ENO4: variants seen among roughly 807,000 people sequenced by gnomAD.
The protein encoded by ENO4 is enolase 4.
In ENO4, 53 loss-of-function variants were observed where a neutral mutation model predicts 63.2. That is an observed-to-expected ratio of 0.84 (90% confidence interval 0.67 to 1.05). ENO4 has a LOEUF of 1.05. ENO4 is among the 50% of genes least tolerant of loss of function. The pLI is 0.00. For synonymous variants in ENO4, 266 were observed against 283.8 expected (o/e 0.94, Z 0.63); for missense variants, 719 against 772.0 (o/e 0.93, Z 0.81).
downstream of ENO4, among the ~76,000 whole-genome samples, chr10:116,887,029 T>G (rs1022475690): frequency 1.3e-5 from 2 of 151,948 alleles, no homozygotes; most frequent in African/African-American, 4.8e-5. Context: ...AGGGGAGTAA[T>G]CACCCCTCAT....
intron 1 of ENO4, among the ~76,000 whole-genome samples, chr10:116,851,669 GT>G (rs1352901755): frequency 6.6e-6 from 1 of 152,106 alleles, no homozygotes; most frequent in Non-Finnish European, 1.5e-5. Flanking sequence ...AGAACCTCCT[GT>G]GGCTTTCCCG....
At chr10:116,898,935 CT>C (rs1847620508) in intron 10 of ENO4, among the ~76,000 whole-genome samples, 1 of 152,164 alleles carries the variant, frequency 6.6e-6, no homozygotes, top group East Asian at 1.9e-4. Flanking sequence ...TATATGGAAT[CT>C]ATACATATGT....
At position 116,860,954 on chromosome 10, in the gene ENO4, G is replaced by A. The variant is rs1846392918; in HGVS notation, c.795G>A (p.Lys265=). 3 of 1,540,252 alleles carry A rather than the reference G, an allele frequency of 1.9e-6. No homozygotes were observed. The Admixed American group carries it at 5.9e-5, about 30-fold the overall frequency. Residue 265 remains lysine (K), a synonymous_variant, in exon 5 of 14, where the codon AAG becomes AAA. Transcript: ENST00000341276. ...TGTACTTAAATATCGCTCTACTGAA[G>A]CACAATCAGGTTAGTATCTATGAAG... is the stretch of plus-strand genomic sequence containing the variant. ...KPLYLNIALL[K]HNQEQPTTLS...
intron 11 of ENO4, among the ~76,000 whole-genome samples, chr10:116,877,650 G>A (rs553177096): frequency 1.3e-5 from 2 of 152,262 alleles, no homozygotes; most frequent in African/African-American, 4.8e-5. Context: ...TCTGAGTCAT[G>A]AAGCTGGGAT....
rs1845994549 is a variant in ENO4, at chr10:116,849,633, G to A, written c.67G>A (p.Ala23Thr). 1 of 1,550,186 alleles carries A rather than the reference G, an allele frequency of 6.5e-7. No homozygotes were observed. Among genetic ancestry groups the A allele is most frequent in the African/African-American group, 1.4e-5 (1 of 73,054 alleles). Residue 23 changes from alanine (A) to threonine (T), a missense_variant, in exon 1 of 14, where the codon GCG becomes ACG. Coordinates refer to ENST00000341276, the MANE Select transcript of ENO4 (RefSeq NM_001242699.2). Reference sequence around the variant, plus strand: ...GGAGCTGCAGAAGCTGAAGCAGCAGGCGATGGAGTACTACCGGGAGAACGA... The same window carrying A: ...GGAGCTGCAGAAGCTGAAGCAGCAGACGATGGAGTACTACCGGGAGAACGA... ...TRELQKLKQQ[A>T]MEYYRENDVP...
intron 10 of ENO4, among the ~76,000 whole-genome samples, chr10:116,899,952 T>C (rs1847672945): frequency 6.6e-6 from 1 of 152,188 alleles, no homozygotes; most frequent in South Asian, 2.1e-4. Flanking sequence ...AAAGCTTACA[T>C]GTAACTACAT....
downstream of ENO4, chr10:116,886,059 A>G (rs1589771698): frequency 2.5e-6 from 1 of 403,544 alleles, no homozygotes; most frequent in East Asian, 4.4e-5. Context: ...TCAACATCTG[A>G]ATTTTTTTGT....
chr10:116,868,524 C>G, intron 7 of ENO4, 126 bp from the exon 8 acceptor site: 1 of 763,606 alleles, frequency 1.3e-6, no homozygotes, highest in Non-Finnish European at 2.3e-6. Context: ...CGTGTGTGTG[C>G]GTGTATGTGT....
intron 9 of ENO4, chr10:116,873,857 C>A: frequency 3.0e-6 from 3 of 984,778 alleles, no homozygotes; most frequent in Non-Finnish European, 3.6e-6. Context: ...GTGGGAAGAA[C>A]CCTAGAGGGC....
Position 116,855,760 on chromosome 10 carries a change from C to T in ENO4, c.294+9C>T. ...TTCAAAACTTTCCCAAGGTATGAGGCAGTTTAAGTGTGTTCTTTAATGTCC... is the reference window on the plus strand; with the variant it reads ...TTCAAAACTTTCCCAAGGTATGAGGTAGTTTAAGTGTGTTCTTTAATGTCC... On this transcript the variant is annotated intron_variant, in intron 2 of 13. Coordinates refer to ENST00000341276, the MANE Select transcript of ENO4 (RefSeq NM_001242699.2). 6.5e-7 allele frequency: 1 copy of T among 1,531,646 alleles called. No individual in the cohort carries two copies. The allele number at this position is 1,531,646 out of a possible 1,614,324, so 94.9% of individuals were successfully genotyped here.
intron 11 of ENO4, among the ~76,000 whole-genome samples, chr10:116,878,217 G>A (rs754608904): frequency 1.3e-5 from 2 of 152,160 alleles, no homozygotes; most frequent in African/African-American, 4.8e-5. Flanking sequence ...CAAATACCAC[G>A]AGTGGGTCTC....
In ENO4 at chr10:116,879,947, C is replaced by G; in HGVS notation, c.1684C>G (p.Leu562Val). ...ACGAGTGACTAAATACAACCGCCTT[C>G]TCACTATAGAGGAAGAACTTGTCCA... is the stretch of plus-strand genomic sequence containing the variant. The part of the protein sequence containing the change: ...GERVTKYNRL[L>V]TIEEELVQNG... Residue 562 changes from leucine to valine, a missense_variant, in exon 13 of 14, where the codon CTC becomes GTC. Physicochemically the swap from Leu to Val is conservative, Grantham distance 32 (BLOSUM62 1). This residue lies in a region of ENO4 where 168 missense variants were observed against 163.3 expected (regional missense o/e 1.03). Coordinates refer to ENST00000341276, the MANE Select transcript of ENO4 (RefSeq NM_001242699.2). 6.4e-7 allele frequency: 1 copy of G among 1,550,904 alleles called. No homozygotes were observed. The highest frequency in any genetic ancestry group is 1.2e-5 in the South Asian group (1 of 84,008).
chr10:116,871,767 C>G (rs1199326673), intron 9 of ENO4, among the ~76,000 whole-genome samples: 1 of 152,038 alleles, frequency 6.6e-6, no homozygotes, highest in Non-Finnish European at 1.5e-5. Flanking sequence ...TGTTTTTGTC[C>G]AACTAAACAC....
intron 10 of ENO4, chr10:116,901,299 T>C (rs1847725548): frequency 3.0e-6 from 3 of 985,256 alleles, no homozygotes; most frequent in Non-Finnish European, 2.4e-6. Flanking sequence ...ACATAGTATG[T>C]TTTCATTTTC....
At chr10:116,906,568 T>C in intron 10 of ENO4, 3 of 1,510,002 alleles carry the variant, frequency 2.0e-6, no homozygotes, top group Middle Eastern at 1.8e-4. Context: ...AAAAAGAGAC[T>C]TAGAAGAAGA....
At chr10:116,902,296 C>A (rs913502207) in intron 10 of ENO4, among the ~76,000 whole-genome samples, 1 of 152,272 alleles carries the variant, frequency 6.6e-6, no homozygotes, top group East Asian at 1.9e-4. Flanking sequence ...CAGCCCTACT[C>A]GAACCATTTC....
chr10:116,856,509 G>A lies in ENO4; in HGVS notation c.312G>A (p.Val104=). 2.0e-6 allele frequency: 3 copies of A among 1,536,000 alleles called. No homozygotes were observed. The highest frequency in any genetic ancestry group is 8.7e-7 in the Non-Finnish European group (1 of 1,146,876). The change falls in exon 3 of 14, where the codon GTG becomes GTA. Residue 104 remains valine, a synonymous_variant. Transcript: ENST00000341276. ...QNFPKNVCSV[V]ISTHFEVHEN... ...ATTTTCAGAACGTATGTTCTGTGGT[G>A]ATCTCGACTCATTTTGAAGTCCATG...
chr10:116,902,564 A>T (rs1847787748), intron 10 of ENO4, among the ~76,000 whole-genome samples: 1 of 152,220 alleles, frequency 6.6e-6, no homozygotes, highest in Non-Finnish European at 1.5e-5. Context: ...GACAGGATTT[A>T]AAAACCATAA....
downstream of ENO4, chr10:116,886,566 C>A (rs890364912): frequency 6.2e-7 from 1 of 1,613,858 alleles, no homozygotes; most frequent in Admixed American, 1.7e-5. Flanking sequence ...TACTGGGAGG[C>A]CTATGAGATG....
Sources: gnomAD v4.1 joint callset for allele counts (sites outside exome capture counted in the v4.1 genomes callset) on GRCh38, gnomAD v4.1.1 for gene constraint, gnomAD v4.1.1 regional missense constraint, MANE v1.5 for transcripts, NCBI Gene and HGNC (gene_info 2026-07-23, HGNC 2026-07-21) for gene names.